The following KIAA1328 variants were observed in gnomAD, a reference collection of about 807,000 sequenced individuals.
KIAA1328 encodes the protein protein hinderin.
In KIAA1328, 52 loss-of-function variants were observed where a neutral mutation model predicts 68.1. That is an observed-to-expected ratio of 0.76 (90% CI 0.61 to 0.96). The LOEUF is 0.96. Among genes scored for constraint, KIAA1328 ranks in the 40% least tolerant of loss-of-function variants. KIAA1328 has a pLI of 0.00. For missense variants in KIAA1328, 641 were observed against 677.6 expected, an observed-to-expected ratio of 0.95 and a Z score of 0.60; for synonymous variants, 232 against 239.4, an observed-to-expected ratio of 0.97 and a Z score of 0.28.
At chr18:37,139,778 T>C in intron 7 of KIAA1328, among the ~76,000 whole-genome samples, 1 of 152,302 alleles carries the variant, frequency 6.6e-6, no homozygotes, top group Admixed American at 6.5e-5. Flanking sequence ...TGTATCTATA[T>C]GGTGTTCTAA....
At chr18:37,085,084 C>T (rs920522778) in intron 7 of KIAA1328, among the ~76,000 whole-genome samples, 5 of 152,090 alleles carry the variant, frequency 3.3e-5, no homozygotes, top group Admixed American at 2.0e-4. Context: ...GGGGTAAACT[C>T]GGGCTTTGTG....
intron 5 of KIAA1328, among the ~76,000 whole-genome samples, chr18:36,899,997 TAAGTGTAGA>T (rs2048985564): frequency 6.6e-6 from 1 of 151,962 alleles, no homozygotes; most frequent in Non-Finnish European, 1.5e-5. Context: ...CACTGAGATT[TAAGTGTAGA>T]ATACAATGGG....
At chr18:37,205,476 C>A (rs1222041138) in intron 9 of KIAA1328, among the ~76,000 whole-genome samples, 1 of 152,136 alleles carries the variant, frequency 6.6e-6, no homozygotes, top group Non-Finnish European at 1.5e-5. Flanking sequence ...TGCCATCAGA[C>A]AAACAAGGGA....
At chr18:36,944,982 A>C (rs912425111) in intron 5 of KIAA1328, among the ~76,000 whole-genome samples, 1 of 152,150 alleles carries the variant, frequency 6.6e-6, no homozygotes, top group Non-Finnish European at 1.5e-5. Context: ...AGAGGGAGAG[A>C]TGTTGGCAGC....
chr18:37,030,122 C>A (rs2054763200), intron 6 of KIAA1328, among the ~76,000 whole-genome samples: 1 of 151,820 alleles, frequency 6.6e-6, no homozygotes, highest in African/African-American at 2.4e-5. Flanking sequence ...TTTTTTTTAA[C>A]AAAACATCTT....
At chr18:36,923,754 C>A (rs541002157) in intron 5 of KIAA1328, 10 of 152,126 alleles carry the variant, frequency 6.6e-5, no homozygotes, top group African/African-American at 2.4e-4. Context: ...AATTATAATT[C>A]AGTAAAATAA....
chr18:37,216,069 A>G (rs932157470), intron 9 of KIAA1328, among the ~76,000 whole-genome samples: 3 of 151,936 alleles, frequency 2.0e-5, no homozygotes, highest in African/African-American at 4.8e-5. Context: ...CTATTGGTCT[A>G]TCAATTTTGT....
chr18:36,931,252 G>A (rs1266762853), intron 5 of KIAA1328, among the ~76,000 whole-genome samples: 1 of 152,076 alleles, frequency 6.6e-6, no homozygotes, highest in Non-Finnish European at 1.5e-5. Flanking sequence ...ACTGGTTAGT[G>A]ACCTGTTAGG....
chr18:37,059,574 C>T (rs1488382753), intron 6 of KIAA1328, among the ~76,000 whole-genome samples: 2 of 152,172 alleles, frequency 1.3e-5, no homozygotes, highest in Non-Finnish European at 1.5e-5. Flanking sequence ...AATAGGAATG[C>T]TTTTACACTG....
chr18:36,973,940 G>C (rs1474273659), intron 6 of KIAA1328, among the ~76,000 whole-genome samples: 2 of 151,752 alleles, frequency 1.3e-5, no homozygotes, highest in East Asian at 3.9e-4. Context: ...CTACCAGCAG[G>C]TTACAGATTC....
chr18:37,117,161 A>G (rs1383763651), intron 7 of KIAA1328, among the ~76,000 whole-genome samples: 1 of 151,404 alleles, frequency 6.6e-6, no homozygotes, highest in Non-Finnish European at 1.5e-5. Context: ...CCAAGGGATT[A>G]TAAATCATGC....
At chr18:37,010,990 C>G (rs760180869) in intron 6 of KIAA1328, among the ~76,000 whole-genome samples, 4 of 152,118 alleles carry the variant, frequency 2.6e-5, no homozygotes, top group Non-Finnish European at 4.4e-5. Flanking sequence ...ACCATATTCA[C>G]TTAAATTATA....
intron 1 of KIAA1328, among the ~76,000 whole-genome samples, chr18:36,831,821 G>T (rs760928080): frequency 6.6e-6 from 1 of 152,100 alleles, no homozygotes; most frequent in Non-Finnish European, 1.5e-5. Context: ...AATCCTGGAG[G>T]TCTGGGATAG....
chr18:37,056,627 G>A (rs762191686), intron 6 of KIAA1328, among the ~76,000 whole-genome samples: 3 of 152,114 alleles, frequency 2.0e-5, no homozygotes, highest in Non-Finnish European at 4.4e-5. Flanking sequence ...GCCAAAAATT[G>A]TGGTATCTTT....
At chr18:37,071,830 A>T (rs1250327355) in intron 7 of KIAA1328, among the ~76,000 whole-genome samples, 3 of 152,200 alleles carry the variant, frequency 2.0e-5, no homozygotes, top group Non-Finnish European at 4.4e-5. Context: ...TTTAAATTAA[A>T]TGTAGAAATT....
In KIAA1328 at chr18:36,922,624, T is replaced by C. The variant is rs528505542; in HGVS notation, c.449-36684T>C. 3.3e-5 allele frequency among the ~76,000 whole-genome samples: 5 copies of C among 152,328 alleles called. No homozygotes were observed. The South Asian group carries it at 1.0e-3, about 32-fold the overall frequency. On this transcript the variant is annotated intron_variant, in intron 5 of 9. Transcript: ENST00000280020. ...TACTTGGCTGGCCTATGAATGCCATTCTGAATTGGTTACTAAAAATGTTTA... is the reference window on the plus strand; with the variant it reads ...TACTTGGCTGGCCTATGAATGCCATCCTGAATTGGTTACTAAAAATGTTTA...
chr18:36,909,443 T>A (rs994603740), intron 5 of KIAA1328, among the ~76,000 whole-genome samples: 1 of 152,152 alleles, frequency 6.6e-6, no homozygotes, highest in African/African-American at 2.4e-5. Flanking sequence ...TTCATCCATG[T>A]CCCTACAAAG....
Position 37,172,996 on chromosome 18 carries a change from G to C in KIAA1328, c.1438G>C (p.Asp480His), listed in dbSNP as rs1358305280. Residue 480 changes from aspartate (D) to histidine (H), a missense_variant, in exon 9 of 10, where the codon GAT becomes CAT. Physicochemically the swap from Asp to His is moderately conservative, Grantham distance 81. Coordinates refer to ENST00000280020, the MANE Select transcript of KIAA1328 (RefSeq NM_020776.3). ...AGGGACAGTGACAGGAGTTAGAAAA[G>C]ATGCGTCTACATCTCCTATGCCAAC... is the stretch of plus-strand genomic sequence containing the variant. Reference protein sequence around the residue: ...QRGTVTGVRKDASTSPMPTGS... With the variant: ...QRGTVTGVRKHASTSPMPTGS... The C allele has an allele frequency of 3.1e-6, 5 of 1,613,036 alleles. No homozygotes were observed. In the Admixed American group the frequency reaches 5.0e-5, roughly 16 times the overall value.
At chr18:36,912,328 T>C (rs181099974) in intron 5 of KIAA1328, among the ~76,000 whole-genome samples, 66 of 152,228 alleles carry the variant, frequency 4.3e-4, no homozygotes, top group African/African-American at 1.5e-3. Flanking sequence ...TTCCTTTCTG[T>C]CTCTTCTTCA....
Sources: allele counts gnomAD v4.1 joint callset (sites outside exome capture counted in the v4.1 genomes callset), GRCh38; gene constraint gnomAD v4.1.1; transcripts MANE v1.5; gene names NCBI Gene and HGNC (gene_info 2026-07-23, HGNC 2026-07-21).